The following PCDHA9 variants were observed in gnomAD, a reference collection of about 807,000 sequenced individuals.
PCDHA9 encodes protocadherin alpha-9.
PCDHA9 carries 62 observed loss-of-function variants against 62.0 expected under a neutral mutation model. That is an observed-to-expected ratio of 1.00 (90% CI 0.81 to 1.23). The LOEUF (loss-of-function observed/expected upper bound fraction) is 1.23, where lower values mean the gene tolerates loss of function less well. Among genes scored for constraint, PCDHA9 ranks in the 50% most tolerant of loss-of-function variants. The probability of loss-of-function intolerance (pLI) is 0.00; values close to 1 mark genes in which losing one functional copy is unlikely to be tolerated. For missense variants in PCDHA9, 1,205 were observed against 1,249.8 expected (o/e 0.96, Z 0.54); for synonymous variants, 557 against 567.6 (o/e 0.98, Z 0.27).
chr5:140,978,868 G>C (rs2096826928), intron 1 of PCDHA9, 81 bp from the exon 2 acceptor site: 2 of 1,606,078 alleles, frequency 1.2e-6, no homozygotes, highest in Non-Finnish European at 1.7e-6. Context: ...ATATTTAAGG[G>C]AGTAACTAAT....
At chr5:140,896,871 TTTATGGG>T (rs1349052738) in intron 1 of PCDHA9, among the ~76,000 whole-genome samples, 1 of 152,200 alleles carries the variant, frequency 6.6e-6, no homozygotes, top group Non-Finnish European at 1.5e-5. Flanking sequence ...AGTGTACATA[TTTATGGG>T]GTATATGAGA....
intron 1 of PCDHA9, among the ~76,000 whole-genome samples, chr5:140,890,337 A>G (rs1256335004): frequency 3.3e-5 from 5 of 152,192 alleles, no homozygotes; most frequent in African/African-American, 1.2e-4. Flanking sequence ...GGTAGTTGGG[A>G]TGGTTTACTA....
rs782801879 is a variant in PCDHA9 at position 140,858,260 on chromosome 5, G to T, written c.2394+7371G>T. The T allele has an allele frequency of 2.0e-5, 32 of 1,597,092 alleles. 2 individuals carry two copies. The highest frequency in any genetic ancestry group is 2.7e-5 in the Non-Finnish European group (32 of 1,166,970). On this transcript the variant is annotated intron_variant, in intron 1 of 3. Coordinates refer to ENST00000532602, the MANE Select transcript of PCDHA9 (RefSeq NM_031857.2). ...ATGTGGGCCGGTGAAGCCCACGCTG[G>T]TGTGCTCTAGCGCGGTGGGGAGCTG...
chr5:140,965,174 C>CT (rs1213439654), intron 1 of PCDHA9, among the ~76,000 whole-genome samples: 4 of 152,228 alleles, frequency 2.6e-5, no homozygotes, highest in Non-Finnish European at 2.9e-5. Flanking sequence ...TTAGTGAGTG[C>CT]TTTTTTTGCA....
At chr5:140,948,325 C>T (rs1554218520) in intron 1 of PCDHA9, among the ~76,000 whole-genome samples, 1 of 151,476 alleles carries the variant, frequency 6.6e-6, no homozygotes. Flanking sequence ...GTAATGTTTT[C>T]ATTAGGTTTT....
intron 1 of PCDHA9, chr5:140,877,256 G>A (rs782364296): frequency 6.2e-7 from 1 of 1,613,628 alleles, no homozygotes; most frequent in African/African-American, 1.3e-5. Flanking sequence ...GCGAAAGTGC[G>A]CGCGGTGGAC....
rs532609088 is a variant in PCDHA9, at chr5:140,890,699, T to A, written c.2394+39810T>A. 2.6e-5 allele frequency among the ~76,000 whole-genome samples: 4 copies of A among 152,312 alleles called. No homozygotes were observed. In the East Asian group the frequency reaches 7.7e-4, roughly 29 times the overall value. On this transcript the variant is annotated intron_variant, in intron 1 of 3. Transcript: ENST00000532602. ...CTCCTTCTGGGAAATGCAGGGACCT[T>A]ACATTTTTAAAATCTTTTTAATCCC... is the stretch of plus-strand genomic sequence containing the variant.
At chr5:140,857,987 C>A (rs1562532129) in intron 1 of PCDHA9, 2 of 1,596,876 alleles carry the variant, frequency 1.3e-6, no homozygotes, top group East Asian at 4.5e-5. Context: ...CCAGCGCCTA[C>A]TGGTGCTGGT....
At chr5:140,891,409 C>T (rs1295005747) in intron 1 of PCDHA9, among the ~76,000 whole-genome samples, 1 of 148,202 alleles carries the variant, frequency 6.7e-6, no homozygotes, top group Non-Finnish European at 1.5e-5. Context: ...CGCCACCCCC[C>T]ACTCTTGCCC....
intron 1 of PCDHA9, among the ~76,000 whole-genome samples, chr5:140,916,143 T>A (rs1237563249): frequency 4.6e-5 from 7 of 152,012 alleles, no homozygotes; most frequent in Non-Finnish European, 8.8e-5. Context: ...GCTGTTCAGT[T>A]GTGTTGTGGT....
intron 1 of PCDHA9, chr5:140,967,360 G>T: frequency 6.2e-7 from 1 of 1,607,656 alleles, no homozygotes. Flanking sequence ...TGGACCTTAA[G>T]CCCCTGCAGG....
intron 1 of PCDHA9, among the ~76,000 whole-genome samples, chr5:140,949,916 A>G (rs1350647225): frequency 6.6e-6 from 1 of 150,834 alleles, no homozygotes; most frequent in African/African-American, 2.4e-5. Flanking sequence ...AGATATAACT[A>G]TTTTTAGATT....
intron 1 of PCDHA9, among the ~76,000 whole-genome samples, chr5:140,964,670 G>A (rs2095847592): frequency 6.6e-6 from 1 of 151,912 alleles, no homozygotes; most frequent in Non-Finnish European, 1.5e-5. Context: ...CACAGGCCAG[G>A]TCCACAATTT....
In PCDHA9 at chr5:141,010,018, T is replaced by G. The variant is rs1257083450; in HGVS notation, c.*81T>G. On this transcript the variant is annotated 3_prime_UTR_variant, in exon 4 of 4. Coordinates refer to ENST00000532602, the MANE Select transcript of PCDHA9 (RefSeq NM_031857.2). ...TCCCATGTAGCAATTCCCTGCTCCTTTTTCCTATCTACATGAGCCCTCTTA... is the reference window on the plus strand; with the variant it reads ...TCCCATGTAGCAATTCCCTGCTCCTGTTTCCTATCTACATGAGCCCTCTTA... 2.5e-5 allele frequency: 40 copies of G among 1,571,834 alleles called. No homozygotes were observed. Among genetic ancestry groups the G allele is most frequent in the Non-Finnish European group, 3.4e-5 (39 of 1,163,118 alleles).
intron 1 of PCDHA9, among the ~76,000 whole-genome samples, chr5:140,881,006 G>A (rs2058554707): frequency 6.6e-6 from 1 of 152,172 alleles, no homozygotes; most frequent in South Asian, 2.1e-4. Flanking sequence ...GGAGAGCAGA[G>A]CTATGGAAAT....
Position 140,851,528 on chromosome 5 carries a change from C to T in PCDHA9, c.2394+639C>T, listed in dbSNP as rs185754801. ...ATAAAATATGTTTTAAAATGCCTGA[C>T]AATGTAGATAATTCAAGAAATGTTG... On this transcript the variant is annotated intron_variant, in intron 1 of 3. Transcript: ENST00000532602. 15 of 903,994 alleles carry T rather than the reference C, an allele frequency of 1.7e-5. No homozygotes were observed. The East Asian group carries it at 1.6e-3, about 98-fold the overall frequency. The allele number at this position is 903,994 out of a possible 1,614,324, so 56.0% of individuals were successfully genotyped here.
rs549444106 is a variant in PCDHA9 at position 140,953,999 on chromosome 5, T to C, written c.2395-24950T>C. Among the ~76,000 whole-genome samples the C allele has an allele frequency of 1.1e-4, 16 of 152,294 alleles. No homozygotes were observed. In the South Asian group the frequency reaches 3.3e-3, roughly 32 times the overall value. ...CCCTTCATATTTTCATGTGTACTCA[T>C]CATTCAGCTCCCACACATAGTGGGA... is the stretch of plus-strand genomic sequence containing the variant. On this transcript the variant is annotated intron_variant, in intron 1 of 3. Transcript: ENST00000532602.
chr5:140,886,844 A>AAG (rs2061185449), intron 1 of PCDHA9, among the ~76,000 whole-genome samples: 1 of 150,634 alleles, frequency 6.6e-6, no homozygotes, highest in Non-Finnish European at 1.5e-5. Flanking sequence ...AAAAAAAAAA[A>AAG]AAAGAAAGGT....
At chr5:140,961,345 C>T (rs1440791542) in intron 1 of PCDHA9, among the ~76,000 whole-genome samples, 1 of 152,136 alleles carries the variant, frequency 6.6e-6, no homozygotes, top group Non-Finnish European at 1.5e-5. Context: ...AGAGTGGATC[C>T]CTGTAGTCCC....
Sources: gnomAD v4.1 joint callset for allele counts (sites outside exome capture counted in the v4.1 genomes callset) on GRCh38, gnomAD v4.1.1 for gene constraint, MANE v1.5 for transcripts, NCBI Gene and HGNC (gene_info 2026-07-23, HGNC 2026-07-21) for gene names.